The following RAPGEF6 variants were observed in gnomAD, a reference collection of about 807,000 sequenced individuals.
The protein encoded by RAPGEF6 is PDZ domain containing guanine nucleotide exchange factor (GEF) 2.
In RAPGEF6, 56 loss-of-function variants were observed where a neutral mutation model predicts 171.4. The ratio of observed to expected loss-of-function variants is 0.33; its 90% CI spans 0.26 to 0.41. The LOEUF is 0.41. Among genes scored for constraint, RAPGEF6 ranks in the 10% least tolerant of loss-of-function variants. The probability of loss-of-function intolerance (pLI) is 1.00; values close to 1 mark genes in which losing one functional copy is unlikely to be tolerated. For synonymous variants in RAPGEF6, 692 were observed against 650.1 expected, an observed-to-expected ratio of 1.06 and a Z score of -0.98; for missense variants, 1,674 against 1,921.4, an observed-to-expected ratio of 0.87 and a Z score of 2.41.
intron 4 of RAPGEF6, among the ~76,000 whole-genome samples, chr5:131,566,725 GTTTC>G (rs1561568164): frequency 1.3e-5 from 2 of 150,542 alleles, no homozygotes; most frequent in East Asian, 1.9e-4. Context: ...TGTACTCAAA[GTTTC>G]TTTTTCTTTT....
In RAPGEF6 at chr5:131,634,928, C is replaced by T. The variant is rs760332828; in HGVS notation, c.69+34G>A. 4.3e-6 allele frequency: 7 copies of T among 1,612,730 alleles called. No individual in the cohort carries two copies. In the East Asian group the frequency reaches 1.6e-4, roughly 36 times the overall value. Reference sequence around the variant, plus strand: ...AGACAGGAGGATGCTGTCTACTGGACTGTGAGACGCACATAAAGGTCAACC... The same window carrying T: ...AGACAGGAGGATGCTGTCTACTGGATTGTGAGACGCACATAAAGGTCAACC... On this transcript the variant is annotated intron_variant, in intron 1 of 27. Transcript: ENST00000509018.
At chr5:131,551,511 C>CAAAA (rs11305566) in intron 5 of RAPGEF6, among the ~76,000 whole-genome samples, 3 of 108,916 alleles carry the variant, frequency 2.8e-5, no homozygotes, top group African/African-American at 6.8e-5. Context: ...GACTCCATCT[C>CAAAA]AAAAAAAAAA....
chr5:131,589,815 G>A (rs1215401998), intron 4 of RAPGEF6, among the ~76,000 whole-genome samples: 1 of 152,156 alleles, frequency 6.6e-6, no homozygotes, highest in Non-Finnish European at 1.5e-5. Flanking sequence ...ATCCTGGTAA[G>A]GGGGGTCTCC....
intron 11 of RAPGEF6, among the ~76,000 whole-genome samples, chr5:131,499,607 T>C (rs1048090937): frequency 2.5e-5 from 3 of 118,186 alleles, no homozygotes; most frequent in African/African-American, 3.0e-5. Context: ...AAAAAAAGAA[T>C]ATAAACAAAA....
chr5:131,429,275 A>G, intron 26 of RAPGEF6, 59 bp from the exon 27 acceptor site: 1 of 1,361,358 alleles, frequency 7.3e-7, no homozygotes, highest in Non-Finnish European at 1.0e-6. Flanking sequence ...AAAAAAAGAA[A>G]CCACCCCACA....
chr5:131,433,880 A>T (rs1448214364), intron 24 of RAPGEF6, among the ~76,000 whole-genome samples: 1 of 152,172 alleles, frequency 6.6e-6, no homozygotes, highest in Non-Finnish European at 1.5e-5. Context: ...ACAACTACAC[A>T]TTCAAGAAAA....
intron 19 of RAPGEF6, among the ~76,000 whole-genome samples, chr5:131,457,703 C>T (rs557130102): frequency 5.1e-4 from 77 of 152,270 alleles, no homozygotes; most frequent in African/African-American, 1.6e-3. Context: ...TATGTATCCA[C>T]AAGTTCCTCA....
chr5:131,506,774 T>C lies in RAPGEF6; in HGVS notation c.943-1252A>G, dbSNP rs1757397493. Among the ~76,000 whole-genome samples, 4 of 152,120 alleles carry C rather than the reference T, an allele frequency of 2.6e-5. No homozygotes were observed. The South Asian group carries it at 6.2e-4, about 24-fold the overall frequency. ...AAATTTTTGCTGATACAACTGGAAA[T>C]TAAGAGAATGCAAAAACTTGTATAA... On this transcript the variant is annotated intron_variant, in intron 9 of 27. Coordinates refer to ENST00000509018, the MANE Select transcript of RAPGEF6 (RefSeq NM_016340.6).
At chr5:131,552,016 A>G (rs1447763954) in intron 5 of RAPGEF6, among the ~76,000 whole-genome samples, 1 of 152,164 alleles carries the variant, frequency 6.6e-6, no homozygotes, top group African/African-American at 2.4e-5. Context: ...GAAAGCAAGA[A>G]TACTTGAACT....
chr5:131,541,427 T>C (rs907547770), intron 6 of RAPGEF6, among the ~76,000 whole-genome samples: 1 of 152,070 alleles, frequency 6.6e-6, no homozygotes, highest in Non-Finnish European at 1.5e-5. Context: ...CCAAACATAA[T>C]GGGGCCAGAA....
At position 131,462,182 on chromosome 5, in the gene RAPGEF6, G is replaced by A. The variant is rs979488537; in HGVS notation, c.2481-94C>T. The A allele has an allele frequency of 2.9e-5, 30 of 1,051,142 alleles. No individual in the cohort carries two copies. The African/African-American group carries it at 4.6e-4, about 16-fold the overall frequency. 65.1% of individuals were successfully genotyped at this position (1,051,142 alleles called of 1,614,324 possible). On this transcript the variant is annotated intron_variant, in intron 18 of 27. Coordinates refer to ENST00000509018, the MANE Select transcript of RAPGEF6 (RefSeq NM_016340.6). ...TGTCGTTGTAAAATATCATTTTACT[G>A]TTAATAACTTTTAGCCAAAAATATT...
intron 5 of RAPGEF6, among the ~76,000 whole-genome samples, chr5:131,556,623 T>G (rs910748649): frequency 6.6e-6 from 1 of 152,096 alleles, no homozygotes; most frequent in African/African-American, 2.4e-5. Flanking sequence ...AAGAGTAAAT[T>G]TTTTCTCCTT....
intron 5 of RAPGEF6, among the ~76,000 whole-genome samples, chr5:131,549,073 A>T (rs58993531): frequency 0.027 from 4,055 of 151,532 alleles, 190 homozygotes; most frequent in African/African-American, 0.092. Flanking sequence ...TCAAAAAATT[A>T]AAAAAAAAAT....
At chr5:131,598,334 T>A (rs1322809117) in intron 3 of RAPGEF6, among the ~76,000 whole-genome samples, 2 of 151,966 alleles carry the variant, frequency 1.3e-5, no homozygotes, top group East Asian at 3.8e-4. Context: ...AAAGGAAATA[T>A]GGGACAAAAT....
chr5:131,429,182 C>T lies in RAPGEF6; in HGVS notation c.4500G>A (p.Arg1500=), dbSNP rs1342081911. The change falls in exon 27 of 28, where the codon AGG becomes AGA. Residue 1500 remains arginine, a synonymous_variant. Coordinates refer to ENST00000509018, the MANE Select transcript of RAPGEF6 (RefSeq NM_016340.6). The part of the protein sequence containing the change: ...YCVTSPKKDD[R]YREPPPTPPG... ...GAGGAGTGGGAGGTGGCTCCCTATA[C>T]CTATCGTCCTTCTTGGGTGAGGTGA... 5.0e-6 allele frequency: 8 copies of T among 1,612,816 alleles called. No individual in the cohort carries two copies. Among genetic ancestry groups the T allele is most frequent in the African/African-American group, 1.3e-5 (1 of 74,952 alleles).
intron 1 of RAPGEF6, among the ~76,000 whole-genome samples, chr5:131,623,691 G>C (rs920069396): frequency 1.3e-5 from 2 of 151,906 alleles, no homozygotes; most frequent in African/African-American, 4.8e-5. Flanking sequence ...CTCCATGTCG[G>C]TCAGGCTGGT....
chr5:131,500,717 C>T (rs949435557), intron 11 of RAPGEF6, among the ~76,000 whole-genome samples: 1 of 152,062 alleles, frequency 6.6e-6, no homozygotes, highest in African/African-American at 2.4e-5. Flanking sequence ...CTTTTTATGT[C>T]TCTCTTGCTC....
chr5:131,501,425 T>C (rs1017720682), intron 11 of RAPGEF6, among the ~76,000 whole-genome samples: 3 of 151,942 alleles, frequency 2.0e-5, no homozygotes, highest in African/African-American at 7.2e-5. Context: ...AAGATTGTAG[T>C]ACAGTAAAAA....
intron 5 of RAPGEF6, among the ~76,000 whole-genome samples, chr5:131,549,509 G>A (rs138887651): frequency 3.3e-5 from 5 of 152,260 alleles, no homozygotes; most frequent in Admixed American, 1.3e-4. Flanking sequence ...ATTAGGCACA[G>A]AAGAGATTAA....
Sources: allele counts gnomAD v4.1 joint callset (sites outside exome capture counted in the v4.1 genomes callset), GRCh38; gene constraint gnomAD v4.1.1; transcripts MANE v1.5; gene names NCBI Gene and HGNC (gene_info 2026-07-23, HGNC 2026-07-21).